CTNNA2: variants seen among roughly 807,000 people sequenced by gnomAD.
CTNNA2 encodes the protein catenin alpha-2.
Under a neutral mutation model 101.0 loss-of-function variants are expected in CTNNA2, and 42 were observed. The ratio of observed to expected loss-of-function variants is 0.42; its 90% CI spans 0.32 to 0.54. The LOEUF (loss-of-function observed/expected upper bound fraction) is 0.54. CTNNA2 is among the 20% of genes least tolerant of loss of function. The pLI is 0.14. For synonymous variants in CTNNA2, 450 were observed against 456.4 expected (o/e 0.99, Z 0.18); for missense variants, 871 against 1,223.1 (o/e 0.71, Z 4.29).
At chr2:79,988,138 T>G (rs1373631024) in intron 7 of CTNNA2, among the ~76,000 whole-genome samples, 1 of 152,218 alleles carries the variant, frequency 6.6e-6, no homozygotes, top group Non-Finnish European at 1.5e-5. Flanking sequence ...AATTTCATTT[T>G]GTGGAGGTTA....
At chr2:80,399,792 A>G (rs1232186225) in intron 8 of CTNNA2, among the ~76,000 whole-genome samples, 3 of 152,202 alleles carry the variant, frequency 2.0e-5, no homozygotes, top group Non-Finnish European at 2.9e-5. Flanking sequence ...TGGAAGATCC[A>G]CTGTAGGATT....
intron 1 of CTNNA2, among the ~76,000 whole-genome samples, chr2:79,551,972 A>G (rs1007739149): frequency 1.3e-5 from 2 of 152,080 alleles, no homozygotes; most frequent in Non-Finnish European, 1.5e-5. Flanking sequence ...AAACCATATC[A>G]TTTCACCTCT....
intron 3 of CTNNA2, among the ~76,000 whole-genome samples, chr2:79,340,550 G>GT (rs1677104884): frequency 6.6e-6 from 1 of 152,116 alleles, no homozygotes; most frequent in African/African-American, 2.4e-5. Context: ...AGGAATACAT[G>GT]AGGCCGGGCG....
At chr2:79,950,127 A>G (rs942760967) in intron 7 of CTNNA2, among the ~76,000 whole-genome samples, 6 of 150,258 alleles carry the variant, frequency 4.0e-5, no homozygotes, top group South Asian at 2.1e-4. Context: ...ACTTAAGATC[A>G]ATACAGATTT....
At chr2:79,758,209 T>G (rs1672527459) in intron 3 of CTNNA2, among the ~76,000 whole-genome samples, 1 of 152,154 alleles carries the variant, frequency 6.6e-6, no homozygotes, top group African/African-American at 2.4e-5. Context: ...AAGCATTTTC[T>G]CTCTAAAAGC....
At chr2:80,490,762 C>T (rs1686999955) in intron 9 of CTNNA2, among the ~76,000 whole-genome samples, 1 of 152,112 alleles carries the variant, frequency 6.6e-6, no homozygotes, top group South Asian at 2.1e-4. Flanking sequence ...TAATTGGTCG[C>T]TGACAATTTT....
intron 7 of CTNNA2, among the ~76,000 whole-genome samples, chr2:80,110,560 A>G (rs767778850): frequency 1.3e-5 from 2 of 152,220 alleles, no homozygotes; most frequent in Non-Finnish European, 2.9e-5. Context: ...AGAGCAGTTC[A>G]TGGGTCATCA....
intron 7 of CTNNA2, among the ~76,000 whole-genome samples, chr2:80,246,167 C>T (rs1290503328): frequency 6.6e-6 from 1 of 152,132 alleles, no homozygotes; most frequent in Admixed American, 6.5e-5. Flanking sequence ...TAGAGGGCTA[C>T]CTGTTTCCCA....
At chr2:79,520,848 G>A (rs1672064559) in intron 1 of CTNNA2, among the ~76,000 whole-genome samples, 1 of 152,010 alleles carries the variant, frequency 6.6e-6, no homozygotes, top group Non-Finnish European at 1.5e-5. Context: ...AGGATGTGAA[G>A]CAACTGTGAT....
chr2:79,937,324 C>G (rs1208047432), intron 7 of CTNNA2, among the ~76,000 whole-genome samples: 1 of 152,138 alleles, frequency 6.6e-6, no homozygotes, highest in Non-Finnish European at 1.5e-5. Context: ...GTGTTACAAA[C>G]AACAAATTTA....
chr2:80,338,794 A>G (rs1671978142), intron 7 of CTNNA2, among the ~76,000 whole-genome samples: 1 of 152,196 alleles, frequency 6.6e-6, no homozygotes, highest in Non-Finnish European at 1.5e-5. Flanking sequence ...ATGATTTGAG[A>G]GAGCTAGGCT....
chr2:79,527,877 A>C (rs1294707394), intron 1 of CTNNA2, among the ~76,000 whole-genome samples: 1 of 152,208 alleles, frequency 6.6e-6, no homozygotes, highest in Non-Finnish European at 1.5e-5. Context: ...TATCCATAGC[A>C]GCATTATTTA....
chr2:79,623,447 G>C (rs921299414), intron 1 of CTNNA2, among the ~76,000 whole-genome samples: 8 of 152,144 alleles, frequency 5.3e-5, no homozygotes, highest in Non-Finnish European at 2.9e-5. Flanking sequence ...TCTTGTAAGA[G>C]TCTCTCCCAC....
At chr2:79,687,162 T>A (rs755345698) in intron 2 of CTNNA2, among the ~76,000 whole-genome samples, 5 of 152,070 alleles carry the variant, frequency 3.3e-5, no homozygotes, top group Non-Finnish European at 7.4e-5. Context: ...GAGCAGGGAA[T>A]CAAGAGTGTT....
intron 3 of CTNNA2, among the ~76,000 whole-genome samples, chr2:79,761,572 G>A (rs917218807): frequency 3.9e-5 from 6 of 152,186 alleles, no homozygotes; most frequent in East Asian, 1.9e-4. Flanking sequence ...AAATGTGCAC[G>A]TATTTGTATG....
intron 2 of CTNNA2, among the ~76,000 whole-genome samples, chr2:79,221,254 C>T (rs915955506): frequency 6.6e-6 from 1 of 152,142 alleles, no homozygotes; most frequent in African/African-American, 2.4e-5. Flanking sequence ...TGGGCTCTGG[C>T]GATCTTCCTG....
chr2:79,883,755 G>T (rs1056079279), intron 6 of CTNNA2, among the ~76,000 whole-genome samples: 2 of 152,054 alleles, frequency 1.3e-5, no homozygotes, highest in African/African-American at 4.8e-5. Flanking sequence ...ATCTTGTTTT[G>T]TAGATGAAGA....
intron 7 of CTNNA2, among the ~76,000 whole-genome samples, chr2:80,261,411 C>A (rs578034303): frequency 6.6e-6 from 1 of 151,922 alleles, no homozygotes; most frequent in African/African-American, 2.4e-5. Context: ...TTAGCTTCAT[C>A]CAGTTTAATG....
chr2:80,331,846 A>G (rs1435354163), intron 7 of CTNNA2, among the ~76,000 whole-genome samples: 1 of 152,140 alleles, frequency 6.6e-6, no homozygotes, highest in African/African-American at 2.4e-5. Context: ...TGATTGTCAT[A>G]ACTTACACCT....
Sources: allele counts gnomAD v4.1 joint callset (sites outside exome capture counted in the v4.1 genomes callset), GRCh38; gene constraint gnomAD v4.1.1; transcripts MANE v1.5; gene names NCBI Gene and HGNC (gene_info 2026-07-23, HGNC 2026-07-21).